The following SUGP2 variants were observed in gnomAD, a reference collection of about 807,000 sequenced individuals.
The protein encoded by SUGP2 is SURP and G-patch domain containing 2, also known as SURP and G-patch domain-containing protein 2.
SUGP2 carries 24 observed loss-of-function variants against 90.5 expected under a neutral mutation model. The ratio of observed to expected loss-of-function variants is 0.27; its 90% CI spans 0.19 to 0.37. The LOEUF (loss-of-function observed/expected upper bound fraction) is 0.37. SUGP2 is among the 10% of genes least tolerant of loss of function. SUGP2 has a pLI of 1.00. For missense variants in SUGP2, 1,233 were observed against 1,363.3 expected (o/e 0.90, Z 1.51); for synonymous variants, 473 against 513.4 (o/e 0.92, Z 1.06).
intron 4 of SUGP2, among the ~76,000 whole-genome samples, chr19:19,016,173 C>A (rs562521936): frequency 1.3e-5 from 2 of 152,264 alleles, no homozygotes; most frequent in South Asian, 4.1e-4. Flanking sequence ...GGACTACAGG[C>A]ACCCGCCACC....
intron 4 of SUGP2, among the ~76,000 whole-genome samples, chr19:19,013,175 A>C (rs889056830): frequency 3.3e-5 from 5 of 152,138 alleles, no homozygotes; most frequent in Non-Finnish European, 7.4e-5. Flanking sequence ...CTCTGGACTT[A>C]AATGATTTCT....
At chr19:18,994,588 G>T in intron 9 of SUGP2, 102 bp from the exon 10 acceptor site, 1 of 1,457,600 alleles carries the variant, frequency 6.9e-7, no homozygotes. Context: ...CAGGTGTTTG[G>T]GACACACACT....
At chr19:18,994,292 G>A (rs1455542996) in intron 10 of SUGP2, 74 bp downstream of exon 10, 3 of 1,559,840 alleles carry the variant, frequency 1.9e-6, no homozygotes, top group South Asian at 2.4e-5. Flanking sequence ...CATCAACTTT[G>A]TTGGGGGAAA....
In SUGP2 at chr19:19,025,848, G is replaced by T; in HGVS notation, c.500C>A (p.Ser167Tyr). 6.2e-7 allele frequency: 1 copy of T among 1,614,078 alleles called. No homozygotes were observed. The highest frequency in any genetic ancestry group is 8.5e-7 in the Non-Finnish European group (1 of 1,180,026). ...AGATCCAAAGTCCCCCAAAACTGCAGAGGGACCAAAACTATACTCCTGTGA... is the reference window on the plus strand; with the variant it reads ...AGATCCAAAGTCCCCCAAAACTGCATAGGGACCAAAACTATACTCCTGTGA... ...SWSQEYSFGP[S>Y]AVLGDFGSSR... The change falls in exon 3 of 11, where the codon TCT becomes TAT. Residue 167 changes from serine (S) to tyrosine (Y), a missense_variant. Around this residue, in one of 8 missense-constraint regions of SUGP2, gnomAD observed 418 missense variants for 399.9 expected, o/e 1.05. Coordinates refer to ENST00000452918, the MANE Select transcript of SUGP2 (RefSeq NM_001017392.5).
chr19:19,032,320 G>A (rs2145793513), intron 1 of SUGP2, among the ~76,000 whole-genome samples: 1 of 151,816 alleles, frequency 6.6e-6, no homozygotes. Flanking sequence ...CACCGCATCC[G>A]ACTAATTTTT....
At chr19:19,028,813 C>G (rs974821272) in intron 2 of SUGP2, among the ~76,000 whole-genome samples, 3 of 152,138 alleles carry the variant, frequency 2.0e-5, no homozygotes, top group Admixed American at 6.5e-5. Context: ...ATTCTTCTGT[C>G]TCAGCCTCCT....
At chr19:19,019,991 C>CAAAAAACAA (rs2058656756) in intron 3 of SUGP2, among the ~76,000 whole-genome samples, 1 of 34,834 alleles carries the variant, frequency 2.9e-5, no homozygotes, top group Non-Finnish European at 4.7e-5. Context: ...TGCTAAAATA[C>CAAAAAACAA]AAAAAAAAAA....
intron 4 of SUGP2, among the ~76,000 whole-genome samples, chr19:19,013,911 T>C (rs183369707): frequency 6.6e-6 from 1 of 152,338 alleles, no homozygotes; most frequent in East Asian, 1.9e-4. Flanking sequence ...CACTCTCTCA[T>C]AGAAAAGGAC....
chr19:19,025,710 C>T lies in SUGP2; in HGVS notation c.638G>A (p.Gly213Asp). The T allele has an allele frequency of 1.2e-6, 2 of 1,614,008 alleles. No homozygotes were observed. The highest frequency in any genetic ancestry group is 1.7e-6 in the Non-Finnish European group (2 of 1,179,962). ...LRGGSQVQAR[G>D]RALNIVDQEG... ...CTGGTCAACGATGTTTAGAGCTCGA[C>T]CTCTGGCCTGGACTTGACTGCCGCC... Residue 213 changes from glycine (G) to aspartate (D), a missense_variant, in exon 3 of 11, where the codon GGT becomes GAT. This residue lies in a region of SUGP2 where 418 missense variants were observed against 399.9 expected (regional missense o/e 1.05). Transcript: ENST00000452918.
In SUGP2 at chr19:19,010,129, G is replaced by A; in HGVS notation, c.2064C>T (p.Leu688=). 6.2e-7 allele frequency: 1 copy of A among 1,612,296 alleles called. No homozygotes were observed. ...QRRGLLRAQG[L]RGWKARRATT... ...TCGCTCTCCTCGCCTTCCAGCCCCG[G>A]AGCCCTTGAGCACGGAGGAGCCCCC... The change falls in exon 5 of 11, where the codon CTC becomes CTT. Residue 688 remains leucine (L), a synonymous_variant. Transcript: ENST00000452918.
At chr19:19,032,304 G>A (rs1440184799) in intron 1 of SUGP2, among the ~76,000 whole-genome samples, 1 of 151,888 alleles carries the variant, frequency 6.6e-6, no homozygotes, top group African/African-American at 2.4e-5. Context: ...GATTACAGGA[G>A]TCCGCCACCG....
At chr19:19,015,369 T>C (rs1013195784) in intron 4 of SUGP2, among the ~76,000 whole-genome samples, 1 of 152,216 alleles carries the variant, frequency 6.6e-6, no homozygotes, top group Non-Finnish European at 1.5e-5. Context: ...TTGACTGTTT[T>C]GTTAAATACA....
Position 19,008,329 on chromosome 19 carries a change from T to G in SUGP2, c.2438A>C (p.Asn813Thr). Residue 813 changes from asparagine to threonine, a missense_variant, in exon 6 of 11, where the codon AAC (asparagine) becomes ACC (threonine). Around this residue, in one of 8 missense-constraint regions of SUGP2, gnomAD observed 540 missense variants for 542.6 expected, o/e 1.00. Coordinates refer to ENST00000452918, the MANE Select transcript of SUGP2 (RefSeq NM_001017392.5). ...GGGGGGTACGTACCACAGGTCAGGG[T>G]TATCGGTGCTGTTTTCTATGCTGAA... ...EQFSIENSTD[N>T]PDLWFLHDQN... The G allele has an allele frequency of 1.2e-6, 2 of 1,614,002 alleles. No homozygotes were observed. The highest frequency in any genetic ancestry group is 2.2e-5 in the South Asian group (2 of 91,074).
At chr19:19,023,124 G>C (rs955669441) in intron 3 of SUGP2, among the ~76,000 whole-genome samples, 1 of 152,138 alleles carries the variant, frequency 6.6e-6, no homozygotes, top group African/African-American at 2.4e-5. Context: ...CTAATTAGCA[G>C]GTGTACTTAA....
chr19:18,997,240 C>CAA (rs1439681892), intron 8 of SUGP2, among the ~76,000 whole-genome samples: 3 of 151,762 alleles, frequency 2.0e-5, no homozygotes, highest in Non-Finnish European at 4.4e-5. Context: ...ACTCCAGAGA[C>CAA]AAAGGAGCTT....
At chr19:19,032,175 C>CT (rs1187084341) in intron 1 of SUGP2, among the ~76,000 whole-genome samples, 1 of 148,204 alleles carries the variant, frequency 6.7e-6, no homozygotes, top group Non-Finnish European at 1.5e-5. Flanking sequence ...TTTTTTCTTC[C>CT]TTTTTTTGAG....
intron 4 of SUGP2, among the ~76,000 whole-genome samples, chr19:19,015,900 C>A (rs116430632): frequency 6.6e-6 from 1 of 152,202 alleles, no homozygotes; most frequent in Non-Finnish European, 1.5e-5. Flanking sequence ...CAGCCAACCG[C>A]TGAGATTTTT....
intron 8 of SUGP2, among the ~76,000 whole-genome samples, chr19:18,999,709 A>G (rs1215384810): frequency 1.3e-5 from 2 of 152,158 alleles, no homozygotes; most frequent in Non-Finnish European, 2.9e-5. Context: ...ACACCAGCAG[A>G]GCGATCTCGC....
intron 8 of SUGP2, among the ~76,000 whole-genome samples, chr19:18,997,365 C>A (rs1213359314): frequency 2.0e-5 from 3 of 152,072 alleles, no homozygotes; most frequent in Non-Finnish European, 4.4e-5. Context: ...AGAGCAAGTG[C>A]TCCCATAAGG....
Sources: allele counts gnomAD v4.1 joint callset (sites outside exome capture counted in the v4.1 genomes callset), GRCh38; gene constraint gnomAD v4.1.1; regional missense constraint gnomAD v4.1.1; transcripts MANE v1.5; gene names NCBI Gene and HGNC (gene_info 2026-07-23, HGNC 2026-07-21).